Variants in DNAH9 observed in about 807,000 individuals in gnomAD.
DNAH9 encodes the protein DNAH9 variant protein.
A neutral mutation model predicts 471.6 loss-of-function variants in DNAH9; 345 were observed. The ratio of observed to expected loss-of-function variants is 0.73; its 90% CI spans 0.67 to 0.80. The LOEUF (loss-of-function observed/expected upper bound fraction) is 0.80, where lower values mean the gene tolerates loss of function less well. DNAH9 is among the 30% of genes least tolerant of loss of function. The probability of loss-of-function intolerance (pLI) is 0.00; values close to 1 mark genes in which losing one functional copy is unlikely to be tolerated. For missense variants in DNAH9, 5,407 were observed against 5,609.2 expected, an observed-to-expected ratio of 0.96 and a Z score of 1.15; for synonymous variants, 2,093 against 2,123.6, an observed-to-expected ratio of 0.99 and a Z score of 0.40.
In DNAH9 at chr17:11,742,177, C is replaced by G. The variant is rs1330612235; in HGVS notation, c.5975C>G (p.Pro1992Arg). The change falls in exon 30 of 69, where the codon CCT (proline) becomes CGT (arginine). Residue 1992 changes from proline (P) to arginine (R), a missense_variant and splice_region_variant. Coordinates refer to ENST00000262442, the MANE Select transcript of DNAH9 (RefSeq NM_001372.4). ...GCCTTCTGTCTTTCTATACTCAGGCCTTGTGCAATGGTGGTTCCAGACTTT... is the reference window on the plus strand; with the variant it reads ...GCCTTCTGTCTTTCTATACTCAGGCGTTGTGCAATGGTGGTTCCAGACTTT... The part of the protein sequence containing the change: ...LPENLKSLFR[P>R]CAMVVPDFEL... 7.4e-6 allele frequency: 12 copies of G among 1,613,902 alleles called. No individual in the cohort carries two copies. The highest frequency in any genetic ancestry group is 1.0e-5 in the Non-Finnish European group (12 of 1,179,928).
chr17:11,850,801 G>T (rs1015260027), intron 49 of DNAH9, among the ~76,000 whole-genome samples: 5 of 152,038 alleles, frequency 3.3e-5, no homozygotes, highest in African/African-American at 1.2e-4. Context: ...ACTTGCATTG[G>T]ATAAAAAGTC....
In DNAH9 at chr17:11,880,165, A is replaced by AC. The variant is rs778127877; in HGVS notation, c.10570dup (p.Leu3524ProfsTer8). On this transcript the variant is annotated frameshift_variant, in exon 54 of 69. Transcript: ENST00000262442. LOFTEE classifies it high-confidence loss of function. ...AGGAGTCCATTGATCCTGTTCTGGG[A>AC]CCCCTGCTTGGGAGAGAAGTCATTA... 5 of 1,613,514 alleles carry AC rather than the reference A, an allele frequency of 3.1e-6. No homozygotes were observed.
intron 51 of DNAH9, among the ~76,000 whole-genome samples, chr17:11,869,718 G>A (rs1192443575): frequency 2.0e-5 from 3 of 152,170 alleles, no homozygotes; most frequent in African/African-American, 7.2e-5. Flanking sequence ...ATACACACAT[G>A]CTCCGGCCTT....
At chr17:11,608,520 C>A (rs2150636196) in intron 2 of DNAH9, among the ~76,000 whole-genome samples, 195 bp downstream of exon 2, 1 of 152,324 alleles carries the variant, frequency 6.6e-6, no homozygotes, top group Non-Finnish European at 1.5e-5. Context: ...CCTGGCCCAG[C>A]CACTGCATGA....
intron 26 of DNAH9, among the ~76,000 whole-genome samples, chr17:11,716,082 CTTTTTTTTT>C (rs61643065): frequency 7.5e-6 from 1 of 132,474 alleles, no homozygotes. Context: ...TTTTCTTTCT[CTTTTTTTTT>C]TTTTTTTTTT....
rs561212070 is a variant in DNAH9 at position 11,816,229 on chromosome 17, G to A, written c.8708-5691G>A. Among the ~76,000 whole-genome samples the A allele has an allele frequency of 4.6e-5, 7 of 152,226 alleles. No individual in the cohort carries two copies. The East Asian group carries it at 9.6e-4, about 21-fold the overall frequency. ...TTGTGTTTGCTGTTGATTAATTTAC[G>A]TTATTGAACAATCCAGAAATACAAA... is the stretch of plus-strand genomic sequence containing the variant. On this transcript the variant is annotated intron_variant, in intron 45 of 68. Coordinates refer to ENST00000262442, the MANE Select transcript of DNAH9 (RefSeq NM_001372.4).
chr17:11,781,223 G>A (rs747079345), intron 39 of DNAH9, 49 bp downstream of exon 39: 1 of 1,572,938 alleles, frequency 6.4e-7, no homozygotes, highest in South Asian at 1.2e-5. Flanking sequence ...AGAGCCTAAG[G>A]CAGGGCTGAA....
In DNAH9 at chr17:11,890,284, G is replaced by A. The variant is rs563586415; in HGVS notation, c.11113-1493G>A. Among the ~76,000 whole-genome samples, 3 of 152,078 alleles carry A rather than the reference G, an allele frequency of 2.0e-5. No homozygotes were observed. The South Asian group carries it at 6.2e-4, about 32-fold the overall frequency. ...TGGGGGGACATTATCAGCCTCTAATGAACTATTCTTCCTATCTAAAATCTA... is the reference window on the plus strand; with the variant it reads ...TGGGGGGACATTATCAGCCTCTAATAAACTATTCTTCCTATCTAAAATCTA... On this transcript the variant is annotated intron_variant, in intron 57 of 68. Coordinates refer to ENST00000262442, the MANE Select transcript of DNAH9 (RefSeq NM_001372.4).
chr17:11,778,399 G>T (rs1490870387), intron 38 of DNAH9, among the ~76,000 whole-genome samples: 1 of 150,412 alleles, frequency 6.6e-6, no homozygotes, highest in Non-Finnish European at 1.5e-5. Context: ...GGGGTGCCTG[G>T]AGCAGAGCTT....
chr17:11,823,720 A>G (rs773693945), intron 48 of DNAH9, among the ~76,000 whole-genome samples: 1 of 152,108 alleles, frequency 6.6e-6, no homozygotes, highest in Non-Finnish European at 1.5e-5. Context: ...TCACGAGGTC[A>G]GGAGATCGAG....
At chr17:11,956,994 A>T (rs185966623) in intron 67 of DNAH9, among the ~76,000 whole-genome samples, 4 of 152,012 alleles carry the variant, frequency 2.6e-5, no homozygotes, top group African/African-American at 7.2e-5. Flanking sequence ...GGTTCTTTTT[A>T]AAAATGAATA....
chr17:11,770,479 G>T (rs1482632851), intron 38 of DNAH9, among the ~76,000 whole-genome samples: 2 of 152,160 alleles, frequency 1.3e-5, no homozygotes, highest in Non-Finnish European at 2.9e-5. Context: ...CTGCCCCTCA[G>T]AGCAGCTAGG....
chr17:11,773,130 C>G (rs1968280558), intron 38 of DNAH9, among the ~76,000 whole-genome samples: 1 of 152,188 alleles, frequency 6.6e-6, no homozygotes, highest in African/African-American at 2.4e-5. Context: ...GCTCTAGTAT[C>G]ATTCAATGAA....
chr17:11,701,067 A>G (rs2074584842), intron 23 of DNAH9, 55 bp from the exon 24 acceptor site: 2 of 1,602,792 alleles, frequency 1.2e-6, no homozygotes, highest in African/African-American at 1.3e-5. Flanking sequence ...GAAAATATGT[A>G]GGACTAACCA....
At position 11,818,879 on chromosome 17, in the gene DNAH9, T is replaced by C. The variant is rs528132364; in HGVS notation, c.8708-3041T>C. On this transcript the variant is annotated intron_variant, in intron 45 of 68. Transcript: ENST00000262442. ...CTTTATACATCACAGTCTGTCTCCA[T>C]TATTACTATTATTATTATTATTATT... Among the ~76,000 whole-genome samples, 68 of 123,180 alleles carry C rather than the reference T, an allele frequency of 5.5e-4. No homozygotes were observed. In the South Asian group the frequency reaches 0.016, roughly 28 times the overall value. 80.8% of individuals were successfully genotyped at this position (123,180 alleles called of 152,430 possible).
intron 43 of DNAH9, among the ~76,000 whole-genome samples, chr17:11,797,996 G>C (rs1413752839): frequency 6.6e-6 from 1 of 152,126 alleles, no homozygotes; most frequent in East Asian, 1.9e-4. Context: ...GCTCAGGCAG[G>C]AATGGGTTCA....
At chr17:11,955,198 T>C (rs1053185524) in intron 67 of DNAH9, among the ~76,000 whole-genome samples, 13 of 152,114 alleles carry the variant, frequency 8.5e-5, no homozygotes, top group African/African-American at 2.9e-4. Flanking sequence ...CAAGTAAACA[T>C]TGGAACACAG....
intron 5 of DNAH9, among the ~76,000 whole-genome samples, 174 bp downstream of exon 5, chr17:11,617,796 A>G (rs1258716484): frequency 6.6e-6 from 1 of 152,156 alleles, no homozygotes. Flanking sequence ...TTACAAAGAC[A>G]TTTTCAGTAA....
chr17:11,800,874 A>G (rs1370290461), intron 43 of DNAH9, among the ~76,000 whole-genome samples: 2 of 152,222 alleles, frequency 1.3e-5, no homozygotes, highest in Non-Finnish European at 2.9e-5. Flanking sequence ...GCAGGTGCTC[A>G]GTAAAACTGC....
Sources: gnomAD v4.1 joint callset for allele counts (sites outside exome capture counted in the v4.1 genomes callset) on GRCh38, gnomAD v4.1.1 for gene constraint, MANE v1.5 for transcripts, NCBI Gene and HGNC (gene_info 2026-07-23, HGNC 2026-07-21) for gene names.